SPINK2: variants seen among roughly 807,000 people sequenced by gnomAD.
SPINK2 encodes the protein serine peptidase inhibitor Kazal type 2, also known as serine protease inhibitor Kazal-type 2.
In SPINK2, 8 loss-of-function variants were observed where a neutral mutation model predicts 13.5. That is an observed-to-expected ratio of 0.59 (90% CI 0.35 to 1.07). The LOEUF is 1.07. Ranked by LOEUF, SPINK2 falls within the 50% of genes least tolerant of loss-of-function variation. The pLI is 0.02. For synonymous variants in SPINK2, 76 were observed against 74.7 expected, an observed-to-expected ratio of 1.02 and a Z score of -0.09; for missense variants, 148 against 180.3, an observed-to-expected ratio of 0.82 and a Z score of 1.03.
rs992194705 is a variant in SPINK2, at chr4:56,820,723, G to C, written c.206-144C>G. 3.0e-5 allele frequency: 19 copies of C among 632,054 alleles called. 1 individual carries two copies. Among genetic ancestry groups the C allele is most frequent in the South Asian group, 6.0e-5 (3 of 49,624 alleles). 39.2% of individuals were successfully genotyped at this position (632,054 alleles called of 1,614,324 possible). On this transcript the variant is annotated intron_variant, in intron 1 of 3. Transcript: ENST00000506738. ...CGGGCTTAAGCGATCTTCCTGCCTAGGCCTCCCAAAGTGCTGGAATTTGAG... is the reference window on the plus strand; with the variant it reads ...CGGGCTTAAGCGATCTTCCTGCCTACGCCTCCCAAAGTGCTGGAATTTGAG...
Position 56,811,813 on chromosome 4 carries a change from GAA to G in SPINK2, c.250-21_250-20del. On this transcript the variant is annotated intron_variant, in intron 2 of 3. Coordinates refer to ENST00000506738, the MANE Select transcript of SPINK2 (RefSeq NM_001271718.2). Reference sequence around the variant, plus strand: ...AGTTTGGCTGGAAAAAAGAAAGAGAGAAATTCGAGAATGACTTGAGACACACT... The same window carrying G: ...AGTTTGGCTGGAAAAAAGAAAGAGAGATTCGAGAATGACTTGAGACACACT... 6.6e-7 allele frequency: 1 copy of G among 1,510,314 alleles called. No homozygotes were observed. Among genetic ancestry groups the G allele is most frequent in the Non-Finnish European group, 9.1e-7 (1 of 1,094,134 alleles). 93.6% of individuals were successfully genotyped at this position (1,510,314 alleles called of 1,614,324 possible). A position where few individuals can be genotyped will look rare whatever the true frequency, so the allele number is the denominator to read the frequency against.
At chr4:56,818,198 C>G (rs1717619033) in intron 2 of SPINK2, 1 of 152,238 alleles carries the variant, frequency 6.6e-6, no homozygotes, top group Non-Finnish European at 1.5e-5. Context: ...ATCAATCTCT[C>G]TGTCTCTCTC....
intron 2 of SPINK2, among the ~76,000 whole-genome samples, chr4:56,814,464 T>TA (rs1246046482): frequency 1.3e-5 from 2 of 152,006 alleles, no homozygotes; most frequent in Non-Finnish European, 2.9e-5. Context: ...ATCCTGCCTA[T>TA]AAGAAGCTTA....
intron 3 of SPINK2, among the ~76,000 whole-genome samples, chr4:56,811,473 C>G (rs1159869961): frequency 6.6e-6 from 1 of 151,984 alleles, no homozygotes; most frequent in African/African-American, 2.4e-5. Context: ...AAAAATTAGC[C>G]AAGCGTGGTG....
intron 3 of SPINK2, 130 bp from the exon 4 acceptor site, chr4:56,810,314 A>AT (rs1245179547): frequency 1.3e-6 from 1 of 796,908 alleles, no homozygotes; most frequent in East Asian, 2.9e-5. Flanking sequence ...TTATTTAATC[A>AT]TTTTTTAAGC....
chr4:56,810,185 C>T lies in SPINK2; in HGVS notation c.360-1G>A, dbSNP rs755444945. The stretch of plus-strand genomic sequence containing the variant: ...GATTTTAATATTATGACCACCTTCC[C>T]TGCAAATTGAACAATCATAGAAATA... On this transcript the variant is annotated splice_acceptor_variant, in intron 3 of 3. Transcript: ENST00000506738. LOFTEE classifies it high-confidence loss of function. The T allele has an allele frequency of 6.2e-6, 10 of 1,606,418 alleles. No individual in the cohort carries two copies. The highest frequency in any genetic ancestry group is 8.5e-6 in the Non-Finnish European group (10 of 1,175,662).
At chr4:56,815,128 G>A (rs772837176) in intron 2 of SPINK2, among the ~76,000 whole-genome samples, 8 of 151,744 alleles carry the variant, frequency 5.3e-5, no homozygotes, top group Non-Finnish European at 8.8e-5. Flanking sequence ...AGCACTCAAC[G>A]AACCAGGAAC....
At chr4:56,810,268 A>G (rs1485734346) in intron 3 of SPINK2, 84 bp from the exon 4 acceptor site, 2 of 1,092,484 alleles carry the variant, frequency 1.8e-6, no homozygotes, top group Non-Finnish European at 2.7e-6. Flanking sequence ...AGACCCATGT[A>G]GATAGATATA....
chr4:56,814,238 G>T (rs1039871228), intron 2 of SPINK2, among the ~76,000 whole-genome samples: 1 of 151,688 alleles, frequency 6.6e-6, no homozygotes, highest in Non-Finnish European at 1.5e-5. Context: ...CCTAACTAAC[G>T]CCTGATGGTC....
chr4:56,821,322 G>A, intron 1 of SPINK2, 136 bp downstream of exon 1: 13 of 1,394,674 alleles, frequency 9.3e-6, no homozygotes, highest in Non-Finnish European at 1.2e-5. Context: ...TTGGGCACCT[G>A]AAAATCTACT....
chr4:56,812,563 CAAAAAAAAAAAAAAAA>C (rs57162077), intron 2 of SPINK2, among the ~76,000 whole-genome samples: 1 of 16,370 alleles, frequency 6.1e-5, no homozygotes, highest in African/African-American at 1.9e-4. Context: ...AACTCCATCT[CAAAAAAAAAAAAAAAA>C]AAAAAAAAAA....
chr4:56,814,790 C>T (rs781534), intron 2 of SPINK2, among the ~76,000 whole-genome samples: 109,440 of 151,450 alleles, frequency 0.72, 40,431 homozygotes, highest in East Asian at 0.97. Context: ...TGAAACCCCG[C>T]CTCTACTAAA....
intron 3 of SPINK2, 71 bp downstream of exon 3, chr4:56,811,614 C>CAAA: frequency 1.2e-5 from 10 of 833,066 alleles, no homozygotes; most frequent in South Asian, 5.7e-5. Flanking sequence ...GAGACTCTGT[C>CAAA]AAAAAAAAAA....
Position 56,811,659 on chromosome 4 carries a change from A to G in SPINK2, c.359+26T>C, listed in dbSNP as rs117649832. Reference sequence around the variant, plus strand: ...AAAAAGAAATGAAGAAAACTTGGCTAGTCTACAGCTGTAAAATCATGTTAC... The same window carrying G: ...AAAAAGAAATGAAGAAAACTTGGCTGGTCTACAGCTGTAAAATCATGTTAC... On this transcript the variant is annotated intron_variant, in intron 3 of 3. Coordinates refer to ENST00000506738, the MANE Select transcript of SPINK2 (RefSeq NM_001271718.2). The G allele has an allele frequency of 6.7e-5, 95 of 1,425,006 alleles. No homozygotes were observed. In the East Asian group the frequency reaches 2.1e-3, roughly 32 times the overall value. The allele number at this position is 1,425,006 out of a possible 1,614,324, so 88.3% of individuals were successfully genotyped here.
intron 2 of SPINK2, among the ~76,000 whole-genome samples, chr4:56,818,810 G>GA (rs1256759273): frequency 6.3e-4 from 96 of 152,290 alleles, no homozygotes; most frequent in African/African-American, 2.3e-3. Context: ...TTTTCTAAAA[G>GA]AAAATCAAAC....
At chr4:56,815,127 C>T (rs1009160738) in intron 2 of SPINK2, among the ~76,000 whole-genome samples, 5 of 151,732 alleles carry the variant, frequency 3.3e-5, no homozygotes, top group African/African-American at 7.3e-5. Flanking sequence ...CAGCACTCAA[C>T]GAACCAGGAA....
At chr4:56,821,862 A>C, upstream of SPINK2, 3 of 416,332 alleles carry the variant, frequency 7.2e-6, no homozygotes, top group East Asian at 6.1e-5. Context: ...TCGGGGGAGA[A>C]CCGGAAAGGG....
In SPINK2 at chr4:56,821,580, C is replaced by G; in HGVS notation, c.83G>C (p.Arg28Pro). ...AAACCCGCTTTTCTCCGGAGGTCCCCGCTCGCCAGGACCGCTCCGAGCGCT... is the reference window on the plus strand; with the variant it reads ...AAACCCGCTTTTCTCCGGAGGTCCCGGCTCGCCAGGACCGCTCCGAGCGCT... Reference protein sequence around the residue: ...AGSARSGPGERGPPEKSGFGS... With the variant: ...AGSARSGPGEPGPPEKSGFGS... The change falls in exon 1 of 4, where the codon CGG (arginine) becomes CCG (proline). Residue 28 changes from arginine (R) to proline (P), a missense_variant. Arg to Pro is a moderately radical substitution (Grantham distance 103). Coordinates refer to ENST00000506738, the MANE Select transcript of SPINK2 (RefSeq NM_001271718.2). 6.5e-7 allele frequency: 1 copy of G among 1,548,322 alleles called. No homozygotes were observed. The highest frequency in any genetic ancestry group is 8.7e-7 in the Non-Finnish European group (1 of 1,146,844).
At chr4:56,820,483 G>T in intron 2 of SPINK2, 53 bp downstream of exon 2, 1 of 1,452,146 alleles carries the variant, frequency 6.9e-7, no homozygotes, top group South Asian at 1.2e-5. Context: ...CCTCCCAAAC[G>T]GTTTTGGGCT....
Sources: allele counts gnomAD v4.1 joint callset (sites outside exome capture counted in the v4.1 genomes callset), GRCh38; gene constraint gnomAD v4.1.1; transcripts MANE v1.5; gene names NCBI Gene and HGNC (gene_info 2026-07-23, HGNC 2026-07-21).